The following TRAPPC9 variants were observed in gnomAD, a reference collection of about 807,000 sequenced individuals.
TRAPPC9 encodes the protein trafficking protein particle complex subunit 9.
TRAPPC9 carries 83 observed loss-of-function variants against 124.0 expected under a neutral mutation model. The observed-to-expected ratio is 0.67, with a 90% CI of 0.56 to 0.80. The LOEUF is 0.80. TRAPPC9 is among the 30% of genes least tolerant of loss of function. The pLI is 0.00. For synonymous variants in TRAPPC9, 638 were observed against 617.5 expected, an observed-to-expected ratio of 1.03 and a Z score of -0.49; for missense variants, 1,302 against 1,508.3, an observed-to-expected ratio of 0.86 and a Z score of 2.27.
At chr8:140,385,061 G>A (rs1232104631) in intron 7 of TRAPPC9, among the ~76,000 whole-genome samples, 1 of 152,198 alleles carries the variant, frequency 6.6e-6, no homozygotes, top group Non-Finnish European at 1.5e-5. Context: ...ACCTGCTCCT[G>A]AATGACTACT....
At chr8:140,445,022 C>A (rs1430812180) in intron 2 of TRAPPC9, among the ~76,000 whole-genome samples, 1 of 152,140 alleles carries the variant, frequency 6.6e-6, no homozygotes, top group Non-Finnish European at 1.5e-5. Context: ...TACATACTGC[C>A]AACAACCATG....
At chr8:139,904,991 T>C (rs1398698233) in intron 20 of TRAPPC9, 1 of 152,076 alleles carries the variant, frequency 6.6e-6, no homozygotes, top group Non-Finnish European at 1.5e-5. Context: ...TCACAGAGAG[T>C]TGGCTATGCT....
At chr8:140,001,279 A>G (rs988095864) in intron 18 of TRAPPC9, among the ~76,000 whole-genome samples, 10 of 152,112 alleles carry the variant, frequency 6.6e-5, no homozygotes, top group African/African-American at 1.2e-4. Flanking sequence ...TAGGAGAAAT[A>G]CCTAATGTAA....
chr8:140,087,318 AC>A lies in TRAPPC9; in HGVS notation c.2557-63240del, dbSNP rs1300600108. ...GAAAGCACAGCACTCTATCTCTGCA[AC>A]CCCCTCAGGAATGTCATCCAGGCCC... On this transcript the variant is annotated intron_variant, in intron 17 of 22. Transcript: ENST00000438773. This position sits in a 1 kb window ranked among gnomAD's most constrained non-coding sequence, Gnocchi z 4.6. Among the ~76,000 whole-genome samples, 1 of 151,588 alleles carries A rather than the reference AC, an allele frequency of 6.6e-6. No homozygotes were observed. The highest frequency in any genetic ancestry group is 1.5e-5 in the Non-Finnish European group (1 of 67,922).
chr8:140,030,209 T>C, intron 17 of TRAPPC9, among the ~76,000 whole-genome samples: 1 of 152,212 alleles, frequency 6.6e-6, no homozygotes, highest in East Asian at 1.9e-4. Flanking sequence ...ATGGAATGTT[T>C]TGCATCTAAA....
At chr8:140,202,788 T>A (rs2062824632) in intron 17 of TRAPPC9, among the ~76,000 whole-genome samples, 1 of 152,210 alleles carries the variant, frequency 6.6e-6, no homozygotes, top group South Asian at 2.1e-4. Flanking sequence ...GGGCATCTAT[T>A]TCTAAGGTAA....
chr8:140,196,958 C>T (rs1182109183), intron 17 of TRAPPC9, among the ~76,000 whole-genome samples: 1 of 148,402 alleles, frequency 6.7e-6, no homozygotes, highest in Non-Finnish European at 1.5e-5. Flanking sequence ...GCGTGAACTC[C>T]TTTTGAGAAA....
intron 17 of TRAPPC9, among the ~76,000 whole-genome samples, chr8:140,126,518 A>G (rs997265134): frequency 3.9e-5 from 6 of 152,230 alleles, no homozygotes; most frequent in African/African-American, 1.4e-4. Flanking sequence ...TGATAGCGAT[A>G]AAAGCTCTGA....
intron 9 of TRAPPC9, among the ~76,000 whole-genome samples, chr8:140,348,268 T>C (rs1174505329): frequency 2.6e-5 from 4 of 152,144 alleles, no homozygotes; most frequent in Admixed American, 1.3e-4. Context: ...GTTTCAGTGA[T>C]AGTCAAATGA....
chr8:140,194,407 C>A (rs995328955), intron 17 of TRAPPC9, among the ~76,000 whole-genome samples: 1 of 152,078 alleles, frequency 6.6e-6, no homozygotes, highest in Non-Finnish European at 1.5e-5. Flanking sequence ...ATTTATTATA[C>A]CTAATAAAAT....
At chr8:140,365,045 C>T (rs1287897686) in intron 8 of TRAPPC9, among the ~76,000 whole-genome samples, 1 of 151,460 alleles carries the variant, frequency 6.6e-6, no homozygotes, top group Admixed American at 6.6e-5. Flanking sequence ...CAGGGAGGGA[C>T]AGGCCTTGCA....
At chr8:139,794,539 G>T (rs889347747) in intron 21 of TRAPPC9, among the ~76,000 whole-genome samples, 2 of 152,202 alleles carry the variant, frequency 1.3e-5, no homozygotes, top group African/African-American at 4.8e-5. Context: ...TTCCACAACA[G>T]ACGCTGGGCC....
chr8:140,348,442 G>A (rs1263272160), intron 9 of TRAPPC9, among the ~76,000 whole-genome samples: 2 of 152,100 alleles, frequency 1.3e-5, no homozygotes, highest in African/African-American at 4.8e-5. Flanking sequence ...CCCTGCTGCT[G>A]GCTGCATCCA....
At chr8:139,760,336 C>T (rs1220662521) in intron 21 of TRAPPC9, among the ~76,000 whole-genome samples, 1 of 152,130 alleles carries the variant, frequency 6.6e-6, no homozygotes, top group Non-Finnish European at 1.5e-5. Flanking sequence ...GAGGGCCCAC[C>T]CTGGGGAGTG....
intron 21 of TRAPPC9, among the ~76,000 whole-genome samples, chr8:139,775,947 CAG>C (rs980991704): frequency 6.6e-6 from 1 of 152,232 alleles, no homozygotes; most frequent in Non-Finnish European, 1.5e-5. Flanking sequence ...AGGTCCACTC[CAG>C]AGAGTGTCTC....
intron 21 of TRAPPC9, among the ~76,000 whole-genome samples, chr8:139,814,245 G>A (rs977879043): frequency 2.6e-5 from 4 of 152,218 alleles, no homozygotes; most frequent in African/African-American, 7.2e-5. Flanking sequence ...TGGGAGAGGC[G>A]GCAGAACAGA....
chr8:139,859,872 T>C (rs1376821011), intron 21 of TRAPPC9, among the ~76,000 whole-genome samples: 2 of 152,240 alleles, frequency 1.3e-5, no homozygotes, highest in Non-Finnish European at 2.9e-5. Context: ...GCTAATTCTT[T>C]AATTAAAACA....
At chr8:139,816,514 C>A (rs1368439222) in intron 21 of TRAPPC9, among the ~76,000 whole-genome samples, 1 of 152,104 alleles carries the variant, frequency 6.6e-6, no homozygotes, top group Non-Finnish European at 1.5e-5. Context: ...TGGAGATGGG[C>A]CACAGGGGCC....
At chr8:139,892,956 C>A (rs750219671) in intron 20 of TRAPPC9, among the ~76,000 whole-genome samples, 9 of 152,212 alleles carry the variant, frequency 5.9e-5, no homozygotes, top group Non-Finnish European at 1.0e-4. Context: ...CACAACGACA[C>A]CTACTCTGGA....
Sources: gnomAD v4.1 joint callset for allele counts (sites outside exome capture counted in the v4.1 genomes callset) on GRCh38, gnomAD v4.1.1 for gene constraint, Gnocchi (gnomAD v3.1) non-coding constraint, MANE v1.5 for transcripts, NCBI Gene and HGNC (gene_info 2026-07-23, HGNC 2026-07-21) for gene names.